The following CDH4 variants were observed in gnomAD, a reference collection of about 807,000 sequenced individuals.
CDH4 encodes cadherin 4.
A neutral mutation model predicts 86.0 loss-of-function variants in CDH4; 33 were observed. The ratio of observed to expected loss-of-function variants is 0.38; its 90% CI spans 0.29 to 0.51. The LOEUF (loss-of-function observed/expected upper bound fraction) is 0.51, where lower values mean the gene tolerates loss of function less well. CDH4 is among the 20% of genes least tolerant of loss of function. CDH4 has a pLI of 0.86. For synonymous variants in CDH4, 555 were observed against 549.4 expected, an observed-to-expected ratio of 1.01 and a Z score of -0.14; for missense variants, 1,114 against 1,307.4, an observed-to-expected ratio of 0.85 and a Z score of 2.28.
intron 2 of CDH4, among the ~76,000 whole-genome samples, chr20:61,442,597 G>C (rs1291456546): frequency 6.6e-6 from 1 of 152,230 alleles, no homozygotes; most frequent in African/African-American, 2.4e-5. Flanking sequence ...GCAGTGAGGG[G>C]CAGAAGGCTG....
At chr20:61,852,101 C>T (rs1325367475) in intron 5 of CDH4, among the ~76,000 whole-genome samples, 1 of 152,214 alleles carries the variant, frequency 6.6e-6, no homozygotes, top group Non-Finnish European at 1.5e-5. Context: ...GAGCTCCACA[C>T]AGGCCTCCCG....
intron 2 of CDH4, among the ~76,000 whole-genome samples, chr20:61,424,303 A>G (rs2085198906): frequency 6.6e-6 from 1 of 151,410 alleles, no homozygotes; most frequent in Non-Finnish European, 1.5e-5. Flanking sequence ...AAACACACTC[A>G]TATCCACACA....
chr20:61,434,613 C>T (rs1181117316), intron 2 of CDH4: 3 of 152,156 alleles, frequency 2.0e-5, no homozygotes, highest in Admixed American at 6.5e-5. Flanking sequence ...GAGCAAGTAC[C>T]TGCTTCTCGT....
intron 2 of CDH4, among the ~76,000 whole-genome samples, chr20:61,545,831 T>G: frequency 7.4e-6 from 1 of 135,070 alleles, no homozygotes; most frequent in East Asian, 2.3e-4. Context: ...CATGTGTGTA[T>G]GTGTGTGTGT....
intron 3 of CDH4, among the ~76,000 whole-genome samples, chr20:61,769,283 G>A (rs1372076161): frequency 6.6e-6 from 1 of 152,174 alleles, no homozygotes; most frequent in Non-Finnish European, 1.5e-5. Flanking sequence ...TAAGTCTTAG[G>A]TGAGACCTAG....
Position 61,357,771 on chromosome 20 carries a change from C to A in CDH4, c.169+102834C>A, listed in dbSNP as rs1023065802. Among the ~76,000 whole-genome samples the A allele has an allele frequency of 3.3e-5, 5 of 152,196 alleles. No homozygotes were observed. In the South Asian group the frequency reaches 1.0e-3, roughly 32 times the overall value. ...GCAGCTAATCCAAGGGTTGTAAAAA[C>A]ACAGTGCCGGCCTCACAAAGCAGAC... On this transcript the variant is annotated intron_variant, in intron 2 of 15. Transcript: ENST00000614565.
intron 2 of CDH4, among the ~76,000 whole-genome samples, chr20:61,664,718 C>T (rs528255775): frequency 3.9e-5 from 6 of 152,354 alleles, no homozygotes; most frequent in East Asian, 1.9e-4. Flanking sequence ...CATCTGTGGA[C>T]GTTGGCTCAG....
intron 2 of CDH4, among the ~76,000 whole-genome samples, chr20:61,306,518 A>G (rs1051155498): frequency 5.9e-5 from 9 of 151,986 alleles, no homozygotes; most frequent in African/African-American, 2.2e-4. Context: ...TTGTATTTTT[A>G]GTAGAGATGG....
intron 15 of CDH4, among the ~76,000 whole-genome samples, chr20:61,935,349 T>TACA (rs1196304345): frequency 6.6e-6 from 1 of 152,256 alleles, no homozygotes; most frequent in Non-Finnish European, 1.5e-5. Flanking sequence ...ATGAAATTCC[T>TACA]ACAACTGCCC....
chr20:61,649,642 C>T (rs1035525610), intron 2 of CDH4, among the ~76,000 whole-genome samples: 3 of 152,278 alleles, frequency 2.0e-5, no homozygotes, highest in Non-Finnish European at 2.9e-5. Context: ...GCCGGGAGCG[C>T]GCGTGGCTGA....
At chr20:61,635,126 C>G (rs1412259276) in intron 2 of CDH4, among the ~76,000 whole-genome samples, 2 of 152,090 alleles carry the variant, frequency 1.3e-5, no homozygotes, top group Non-Finnish European at 2.9e-5. Flanking sequence ...CTCTTCGGGT[C>G]CTGCTTCCTG....
chr20:61,590,694 G>A (rs6089425), intron 2 of CDH4, among the ~76,000 whole-genome samples: 1 of 151,972 alleles, frequency 6.6e-6, no homozygotes. Context: ...GGGAGCCCAC[G>A]TTTGGCTCAG....
At chr20:61,667,282 G>A (rs1051673420) in intron 2 of CDH4, among the ~76,000 whole-genome samples, 13 of 152,200 alleles carry the variant, frequency 8.5e-5, no homozygotes, top group Non-Finnish European at 1.2e-4. Context: ...CCCTGCTCAC[G>A]GAGCCCTCGA....
chr20:61,814,777 G>A (rs1182591638), intron 4 of CDH4, among the ~76,000 whole-genome samples: 3 of 152,188 alleles, frequency 2.0e-5, no homozygotes, highest in Non-Finnish European at 2.9e-5. Context: ...ACAGTCTAAC[G>A]AGGCAGTGCT....
At chr20:61,869,825 G>A (rs56208292) in intron 6 of CDH4, among the ~76,000 whole-genome samples, 24,481 of 152,194 alleles carry the variant, frequency 0.16, 2,292 homozygotes, top group South Asian at 0.23. Flanking sequence ...CCTGGCCTTC[G>A]GGGACCGAGG....
intron 2 of CDH4, among the ~76,000 whole-genome samples, chr20:61,736,870 CA>C (rs774096051): frequency 3.9e-5 from 6 of 152,082 alleles, no homozygotes; most frequent in Non-Finnish European, 7.4e-5. Context: ...GACTAAGGCC[CA>C]CATTCACACT....
intron 6 of CDH4, among the ~76,000 whole-genome samples, chr20:61,871,297 T>A (rs1600725944): frequency 2.0e-5 from 3 of 152,232 alleles, no homozygotes. Flanking sequence ...CCTCGTGAGT[T>A]CCTTGTATTC....
intron 2 of CDH4, among the ~76,000 whole-genome samples, chr20:61,653,484 A>T (rs1439463202): frequency 7.2e-6 from 1 of 139,106 alleles, no homozygotes; most frequent in African/African-American, 2.5e-5. Flanking sequence ...GGCCGGGCAG[A>T]GGGGCTCCTC....
chr20:61,423,678 A>AT (rs923161308), intron 2 of CDH4, among the ~76,000 whole-genome samples: 163 of 54,872 alleles, frequency 3.0e-3, no homozygotes, highest in African/African-American at 6.3e-3. Context: ...TACGTTCGTC[A>AT]TTTTTTTTTC....
Sources: gnomAD v4.1 joint callset for allele counts (sites outside exome capture counted in the v4.1 genomes callset) on GRCh38, gnomAD v4.1.1 for gene constraint, MANE v1.5 for transcripts, NCBI Gene and HGNC (gene_info 2026-07-23, HGNC 2026-07-21) for gene names.